PNPLA7: variants seen among roughly 807,000 people sequenced by gnomAD.
PNPLA7 encodes patatin-like phospholipase domain-containing protein 7.
A neutral mutation model predicts 161.7 loss-of-function variants in PNPLA7; 153 were observed. That is an observed-to-expected ratio of 0.95 (90% CI 0.83 to 1.08). The LOEUF (loss-of-function observed/expected upper bound fraction) is 1.08, where lower values mean the gene tolerates loss of function less well. Ranked by LOEUF, PNPLA7 falls within the 50% of genes least tolerant of loss-of-function variation. PNPLA7 has a pLI of 0.00. For missense variants in PNPLA7, 1,739 were observed against 1,856.6 expected, an observed-to-expected ratio of 0.94 and a Z score of 1.16; for synonymous variants, 809 against 782.1, an observed-to-expected ratio of 1.03 and a Z score of -0.57.
intron 7 of PNPLA7, 70 bp downstream of exon 7, chr9:137,542,572 C>T (rs900278982): frequency 5.9e-5 from 82 of 1,394,804 alleles, no homozygotes; most frequent in Non-Finnish European, 6.5e-5. Flanking sequence ...AAACGTTTTA[C>T]AGCCCGAGAA....
intron 25 of PNPLA7, among the ~76,000 whole-genome samples, chr9:137,473,051 T>A (rs188649250): frequency 1.3e-5 from 2 of 152,088 alleles, no homozygotes; most frequent in Non-Finnish European, 2.9e-5. Context: ...CAGAGGCACA[T>A]CTTACATGGT....
Position 137,467,128 on chromosome 9 carries a change from A to C in PNPLA7, c.3039+189T>G, listed in dbSNP as rs1357479822. ...ACAGATCAGACCGCCTCCCACCACC[A>C]ACCTGCATCTGTGCCTTCTCTGTGG... is the stretch of plus-strand genomic sequence containing the variant. On this transcript the variant is annotated intron_variant, in intron 26 of 34. Coordinates refer to ENST00000406427, the MANE Select transcript of PNPLA7 (RefSeq NM_001098537.3). This position sits in a 1 kb window ranked among gnomAD's most constrained non-coding sequence, Gnocchi z 5.1. Among the ~76,000 whole-genome samples the C allele has an allele frequency of 2.0e-5, 3 of 151,984 alleles. No homozygotes were observed. The highest frequency in any genetic ancestry group is 4.8e-5 in the African/African-American group (2 of 41,380).
At chr9:137,539,965 T>C (rs2132613919) in intron 8 of PNPLA7, among the ~76,000 whole-genome samples, 1 of 152,250 alleles carries the variant, frequency 6.6e-6, no homozygotes, top group African/African-American at 2.4e-5. Context: ...TTTGTATTTT[T>C]AGTAGAGACG....
Position 137,500,627 on chromosome 9 carries a change from G to C in PNPLA7, c.1757+64C>G. 1.3e-6 allele frequency: 2 copies of C among 1,504,108 alleles called. No individual in the cohort carries two copies. The highest frequency in any genetic ancestry group is 1.8e-4 in the Middle Eastern group (1 of 5,638). The allele number at this position is 1,504,108 out of a possible 1,614,324, so 93.2% of individuals were successfully genotyped here. A position where few individuals can be genotyped will look rare whatever the true frequency, so the allele number is the denominator to read the frequency against. Reference sequence around the variant, plus strand: ...AGCACCAGGAAGAGGCCGGCCACGCGGGGAGGGGTCTCAGGGCAGGGGGGG... The same window carrying C: ...AGCACCAGGAAGAGGCCGGCCACGCCGGGAGGGGTCTCAGGGCAGGGGGGG... On this transcript the variant is annotated intron_variant, in intron 16 of 34. Coordinates refer to ENST00000406427, the MANE Select transcript of PNPLA7 (RefSeq NM_001098537.3). This position sits in a 1 kb window ranked among gnomAD's most constrained non-coding sequence, Gnocchi z 5.5.
Position 137,464,303 on chromosome 9 carries a change from C to A in PNPLA7, c.3156+37G>T, listed in dbSNP as rs770016523. 14 of 1,607,176 alleles carry A rather than the reference C, an allele frequency of 8.7e-6. 1 individual carries two copies. Among genetic ancestry groups the A allele is most frequent in the Middle Eastern group, 1.7e-4 (1 of 6,052 alleles). On this transcript the variant is annotated intron_variant, in intron 27 of 34. Transcript: ENST00000406427. ...GTGGGGGGCCAGGAGGGGACAGGCA[C>A]TGGGGGCTGCATGGGCTCCTGAGGG...
intron 4 of PNPLA7, 103 bp downstream of exon 4, chr9:137,546,727 C>T (rs548165687): frequency 1.9e-6 from 2 of 1,071,258 alleles, no homozygotes; most frequent in Non-Finnish European, 2.8e-6. Flanking sequence ...CAGCACACAC[C>T]AAGCACTGCC....
chr9:137,489,392 A>G (rs1186674639), intron 20 of PNPLA7, among the ~76,000 whole-genome samples: 2 of 152,242 alleles, frequency 1.3e-5, no homozygotes, highest in Non-Finnish European at 2.9e-5. Flanking sequence ...AATGGGAACC[A>G]GAGTCTCATA....
intron 25 of PNPLA7, among the ~76,000 whole-genome samples, chr9:137,473,094 C>T (rs1831787737): frequency 6.6e-6 from 1 of 152,150 alleles, no homozygotes. Context: ...GGGGAGCTGC[C>T]CTTTGTAAAA....
chr9:137,536,309 GAGA>G (rs991510637), intron 8 of PNPLA7, among the ~76,000 whole-genome samples: 1 of 152,122 alleles, frequency 6.6e-6, no homozygotes, highest in Admixed American at 6.5e-5. Flanking sequence ...CACGCCGGCC[GAGA>G]AAGCAGCAGC....
chr9:137,465,750 G>A (rs534388843), intron 26 of PNPLA7, among the ~76,000 whole-genome samples: 24 of 152,320 alleles, frequency 1.6e-4, no homozygotes, highest in South Asian at 1.0e-3. Context: ...AGGGGGTGAC[G>A]AATTTTCTTT....
intron 12 of PNPLA7, among the ~76,000 whole-genome samples, chr9:137,511,033 T>C (rs562192818): frequency 2.6e-5 from 4 of 152,298 alleles, no homozygotes; most frequent in African/African-American, 9.6e-5. Context: ...TGAAGGGACA[T>C]TGTGAGAAGC....
rs941747475 is a variant in PNPLA7 at position 137,542,544 on chromosome 9, G to C, written c.666+98C>G. The C allele has an allele frequency of 7.7e-6, 10 of 1,291,886 alleles. No homozygotes were observed. The African/African-American group carries it at 1.5e-4, about 20-fold the overall frequency. 80.0% of individuals were successfully genotyped at this position (1,291,886 alleles called of 1,614,324 possible). ...CCAAAGAAATTAAAATCAAAATTTTGCCTAGCTTTTCAATGAGAAACGTTT... is the reference window on the plus strand; with the variant it reads ...CCAAAGAAATTAAAATCAAAATTTTCCCTAGCTTTTCAATGAGAAACGTTT... On this transcript the variant is annotated intron_variant, in intron 7 of 34. Transcript: ENST00000406427.
intron 20 of PNPLA7, among the ~76,000 whole-genome samples, 183 bp from the exon 21 acceptor site, chr9:137,484,919 T>C (rs1320540523): frequency 6.6e-6 from 1 of 151,572 alleles, no homozygotes; most frequent in Non-Finnish European, 1.5e-5. Context: ...TGAGGCTGCC[T>C]GGACCTCGCG....
chr9:137,532,584 G>T (rs535941203), intron 8 of PNPLA7, among the ~76,000 whole-genome samples: 3 of 152,278 alleles, frequency 2.0e-5, no homozygotes, highest in African/African-American at 7.2e-5. Flanking sequence ...AAATTTTAGC[G>T]GCTGATGAAA....
chr9:137,522,698 G>C, intron 9 of PNPLA7, 31 bp downstream of exon 9: 4 of 1,611,568 alleles, frequency 2.5e-6, no homozygotes, highest in Non-Finnish European at 3.4e-6. Flanking sequence ...ACCCACAGCA[G>C]CTAGAAGAGT....
chr9:137,544,827 T>C (rs1267638110), intron 4 of PNPLA7, among the ~76,000 whole-genome samples: 2 of 152,086 alleles, frequency 1.3e-5, no homozygotes, highest in African/African-American at 2.4e-5. Flanking sequence ...TTTTTGTATT[T>C]TTAGTAGAGA....
intron 20 of PNPLA7, chr9:137,491,555 G>C: frequency 1.0e-6 from 1 of 985,428 alleles, no homozygotes; most frequent in Non-Finnish European, 1.2e-6. Flanking sequence ...CAGGTAAGTG[G>C]AGAGTGAAGA....
intron 8 of PNPLA7, among the ~76,000 whole-genome samples, chr9:137,530,004 T>TCCCA (rs1835504691): frequency 6.8e-6 from 1 of 147,964 alleles, no homozygotes; most frequent in African/African-American, 2.5e-5. Flanking sequence ...TTGCTCTGTT[T>TCCCA]CCCAGGCTGT....
At chr9:137,498,416 C>T (rs558815941) in intron 16 of PNPLA7, among the ~76,000 whole-genome samples, 171 bp from the exon 17 acceptor site, 2 of 152,258 alleles carry the variant, frequency 1.3e-5, no homozygotes, top group Non-Finnish European at 2.9e-5. Flanking sequence ...GCCTGCCCCA[C>T]GGCACAGCAC....
Sources: gnomAD v4.1 joint callset for allele counts (sites outside exome capture counted in the v4.1 genomes callset) on GRCh38, gnomAD v4.1.1 for gene constraint, Gnocchi (gnomAD v3.1) non-coding constraint, MANE v1.5 for transcripts, NCBI Gene and HGNC (gene_info 2026-07-23, HGNC 2026-07-21) for gene names.